The following GRAMD2B variants were observed in gnomAD, a reference collection of about 807,000 sequenced individuals.
GRAMD2B encodes GRAM domain containing 2B, also known as GRAM domain-containing protein 2B.
GRAMD2B carries 41 observed loss-of-function variants against 59.2 expected under a neutral mutation model. The observed-to-expected ratio is 0.69, with a 90% confidence interval of 0.54 to 0.90. The LOEUF (loss-of-function observed/expected upper bound fraction) is 0.90. Ranked by LOEUF, GRAMD2B falls within the 40% of genes least tolerant of loss-of-function variation. The pLI is 0.00. For synonymous variants in GRAMD2B, 161 were observed against 182.7 expected, an observed-to-expected ratio of 0.88 and a Z score of 0.96; for missense variants, 424 against 500.5, an observed-to-expected ratio of 0.85 and a Z score of 1.46.
At chr5:126,421,780 T>C (rs1337379878), upstream of GRAMD2B, among the ~76,000 whole-genome samples, 1 of 152,198 alleles carries the variant, frequency 6.6e-6, no homozygotes, top group East Asian at 1.9e-4. Flanking sequence ...TTTGAAGTTA[T>C]TTAGAAGGTT....
At chr5:126,423,385 G>A (rs1561499308), upstream of GRAMD2B, 5 of 1,339,626 alleles carry the variant, frequency 3.7e-6, no homozygotes, top group African/African-American at 4.6e-5. Flanking sequence ...CCTCCCTCTC[G>A]GCTTTTCCAC....
chr5:126,406,267 A>C (rs1296439059), intron 1 of GRAMD2B, among the ~76,000 whole-genome samples: 1 of 151,998 alleles, frequency 6.6e-6, no homozygotes, highest in East Asian at 1.9e-4. Flanking sequence ...ATGACGAGTT[A>C]CTGGGTGCAG....
intron 1 of GRAMD2B, among the ~76,000 whole-genome samples, chr5:126,444,090 A>G (rs1763772081): frequency 6.6e-6 from 1 of 151,750 alleles, no homozygotes; most frequent in Non-Finnish European, 1.5e-5. Flanking sequence ...GCACTCCACC[A>G]CCACTAATAC....
intron 1 of GRAMD2B, among the ~76,000 whole-genome samples, chr5:126,437,944 T>G (rs1762680692): frequency 6.6e-6 from 1 of 152,206 alleles, no homozygotes; most frequent in Non-Finnish European, 1.5e-5. Flanking sequence ...TCCCTCACTG[T>G]CAGTGCCTGG....
intron 1 of GRAMD2B, 103 bp downstream of exon 1, chr5:126,423,792 C>T (rs2149781840): frequency 9.1e-7 from 1 of 1,100,654 alleles, no homozygotes; most frequent in Non-Finnish European, 1.3e-6. Context: ...TTCTGGAGCT[C>T]CTATATGGAC....
At chr5:126,469,904 A>G in intron 3 of GRAMD2B, 116 bp downstream of exon 3, 1 of 681,516 alleles carries the variant, frequency 1.5e-6, no homozygotes, top group South Asian at 2.0e-5. Flanking sequence ...ATAGGTATAG[A>G]GTTTAGAGAA....
At chr5:126,372,071 G>C (rs1192007859) in intron 1 of GRAMD2B, among the ~76,000 whole-genome samples, 4 of 151,952 alleles carry the variant, frequency 2.6e-5, no homozygotes, top group Non-Finnish European at 5.9e-5. Context: ...AGCAGTTTTG[G>C]CCAATTTCAG....
intron 1 of GRAMD2B, among the ~76,000 whole-genome samples, chr5:126,456,950 T>G (rs1327192840): frequency 6.6e-6 from 1 of 151,986 alleles, no homozygotes; most frequent in Non-Finnish European, 1.5e-5. Context: ...CCCAGCACTT[T>G]GGGAGGCCAA....
At chr5:126,463,863 A>G (rs932835766) in intron 1 of GRAMD2B, among the ~76,000 whole-genome samples, 1 of 152,178 alleles carries the variant, frequency 6.6e-6, no homozygotes, top group Non-Finnish European at 1.5e-5. Flanking sequence ...TACTAAAAAT[A>G]CAAAAATTAG....
intron 1 of GRAMD2B, among the ~76,000 whole-genome samples, chr5:126,455,970 C>A (rs1766208442): frequency 6.6e-6 from 1 of 152,130 alleles, no homozygotes; most frequent in African/African-American, 2.4e-5. Flanking sequence ...CCAATAAAGC[C>A]TAAATCCTTT....
chr5:126,375,570 C>G (rs1755115203), intron 1 of GRAMD2B, among the ~76,000 whole-genome samples: 1 of 152,062 alleles, frequency 6.6e-6, no homozygotes, highest in Non-Finnish European at 1.5e-5. Context: ...CAGGGTTTCA[C>G]CATGTTAGCC....
chr5:126,365,734 T>C (rs2149685448), intron 1 of GRAMD2B, among the ~76,000 whole-genome samples: 1 of 152,106 alleles, frequency 6.6e-6, no homozygotes, highest in South Asian at 2.1e-4. Context: ...AAAACCGGTT[T>C]ACCAATGCAT....
upstream of GRAMD2B, among the ~76,000 whole-genome samples, chr5:126,369,266 CTTG>C (rs887296508): frequency 3.2e-4 from 33 of 103,206 alleles, no homozygotes; most frequent in African/African-American, 1.2e-3. Context: ...TCAATAAATA[CTTG>C]TTGAATGAAT....
chr5:126,373,497 CAA>C (rs1011410085), intron 1 of GRAMD2B, among the ~76,000 whole-genome samples: 3 of 152,232 alleles, frequency 2.0e-5, no homozygotes, highest in African/African-American at 7.2e-5. Context: ...CTCAATTCAA[CAA>C]AAGTTTATTG....
intron 1 of GRAMD2B, among the ~76,000 whole-genome samples, chr5:126,388,858 C>A (rs1317250773): frequency 6.6e-6 from 1 of 151,594 alleles, no homozygotes; most frequent in Middle Eastern, 3.4e-3. Flanking sequence ...CCAAAGTTAC[C>A]AAAGAGGGTG....
intron 1 of GRAMD2B, among the ~76,000 whole-genome samples, chr5:126,409,679 G>C (rs1317028744): frequency 6.6e-6 from 1 of 152,078 alleles, no homozygotes; most frequent in Non-Finnish European, 1.5e-5. Flanking sequence ...CTGTGCAGAA[G>C]CTCTTTGGTT....
In GRAMD2B at chr5:126,469,709, C is replaced by T. The variant is rs1032274833; in HGVS notation, c.236C>T (p.Ala79Val). 3.2e-6 allele frequency: 5 copies of T among 1,539,134 alleles called. No homozygotes were observed. The highest frequency in any genetic ancestry group is 4.5e-6 in the Non-Finnish European group (5 of 1,121,188). Reference sequence around the variant, plus strand: ...TCCAGTTTTGATGGTGCCTCTTTAGCAAGTGATAAGAACGACTGTAAAACA... The same window carrying T: ...TCCAGTTTTGATGGTGCCTCTTTAGTAAGTGATAAGAACGACTGTAAAACA... ...SKSSFDGASL[A>V]SDKNDCKTES... The change falls in exon 3 of 14, where the codon GCA (alanine) becomes GTA (valine). Residue 79 changes from alanine to valine, a missense_variant. Transcript: ENST00000285689.
chr5:126,418,551 G>A (rs1188742267), upstream of GRAMD2B, among the ~76,000 whole-genome samples: 1 of 152,152 alleles, frequency 6.6e-6, no homozygotes, highest in East Asian at 1.9e-4. Context: ...TCAATCTGCA[G>A]TGTCACTTGG....
At chr5:126,466,563 C>G (rs983002041) in intron 2 of GRAMD2B, among the ~76,000 whole-genome samples, 3 of 152,102 alleles carry the variant, frequency 2.0e-5, no homozygotes, top group Non-Finnish European at 4.4e-5. Flanking sequence ...GTAGCTGGGC[C>G]TACAGGCATG....
Sources: gnomAD v4.1 joint callset for allele counts (sites outside exome capture counted in the v4.1 genomes callset) on GRCh38, gnomAD v4.1.1 for gene constraint, MANE v1.5 for transcripts, NCBI Gene and HGNC (gene_info 2026-07-23, HGNC 2026-07-21) for gene names.